Variants in IQCM observed in about 807,000 individuals in gnomAD.
IQCM encodes the protein IQ motif containing M, also known as IQ domain-containing protein M.
A neutral mutation model predicts 57.6 loss-of-function variants in IQCM; 45 were observed. The ratio of observed to expected loss-of-function variants is 0.78; its 90% CI spans 0.62 to 1.00. IQCM has a LOEUF of 1.00. Among genes scored for constraint, IQCM ranks in the 50% least tolerant of loss-of-function variants. The pLI is 0.00. For synonymous variants in IQCM, 148 were observed against 158.9 expected (o/e 0.93, Z 0.51); for missense variants, 468 against 511.6 (o/e 0.91, Z 0.82).
Position 149,519,585 on chromosome 4 carries a change from G to A in IQCM, c.1228+28870C>T, listed in dbSNP as rs187720002. Among the ~76,000 whole-genome samples, 536 of 152,228 alleles carry A rather than the reference G, an allele frequency of 3.5e-3. 10 individuals are homozygous for A. The highest frequency in any genetic ancestry group is 0.028 in the Admixed American group (423 of 15,300). ...GGCGTGAACCCGAGAGGCAGAGCTTGCAATGAGCCCAGATTGCGCCACTGC... is the reference window on the plus strand; with the variant it reads ...GGCGTGAACCCGAGAGGCAGAGCTTACAATGAGCCCAGATTGCGCCACTGC... On this transcript the variant is annotated intron_variant, in intron 12 of 13. Transcript: ENST00000636793.
At chr4:149,370,221 A>G (rs935468464) in intron 13 of IQCM, among the ~76,000 whole-genome samples, 13 of 152,196 alleles carry the variant, frequency 8.5e-5, no homozygotes, top group Non-Finnish European at 1.9e-4. Context: ...CATAGAGTTT[A>G]TGAGCATGAA....
chr4:149,650,047 G>C (rs1038056431), intron 7 of IQCM, among the ~76,000 whole-genome samples: 1 of 152,100 alleles, frequency 6.6e-6, no homozygotes, highest in African/African-American at 2.4e-5. Context: ...AAAGATAGTA[G>C]GCCCCATGTT....
intron 13 of IQCM, among the ~76,000 whole-genome samples, chr4:149,406,013 ATG>A (rs1483481295): frequency 6.6e-6 from 1 of 151,248 alleles, no homozygotes; most frequent in African/African-American, 2.4e-5. Flanking sequence ...TACCACAGAT[ATG>A]CTGTTCTTAT....
intron 8 of IQCM, among the ~76,000 whole-genome samples, chr4:149,600,159 A>C (rs1221474900): frequency 6.6e-6 from 1 of 152,182 alleles, no homozygotes; most frequent in Non-Finnish European, 1.5e-5. Context: ...TCCATTCTAA[A>C]TGATGAGTTC....
intron 13 of IQCM, among the ~76,000 whole-genome samples, chr4:149,417,898 A>G (rs952474741): frequency 6.6e-6 from 1 of 151,658 alleles, no homozygotes; most frequent in South Asian, 2.1e-4. Context: ...ATCCACAGCA[A>G]TTGTGGTTTA....
chr4:149,703,803 A>G (rs2149816750), intron 5 of IQCM, among the ~76,000 whole-genome samples: 1 of 152,048 alleles, frequency 6.6e-6, no homozygotes, highest in South Asian at 2.1e-4. Flanking sequence ...AAATGAACTA[A>G]TGGTCAAATG....
chr4:149,746,525 T>C (rs898386388), intron 2 of IQCM, among the ~76,000 whole-genome samples: 1 of 152,176 alleles, frequency 6.6e-6, no homozygotes, highest in Non-Finnish European at 1.5e-5. Flanking sequence ...TTCCCTTCCA[T>C]GGTTTCTGAA....
chr4:149,632,022 A>G (rs1757309023), intron 7 of IQCM, among the ~76,000 whole-genome samples: 1 of 152,220 alleles, frequency 6.6e-6, no homozygotes, highest in African/African-American at 2.4e-5. Context: ...TTACATGTTA[A>G]CAGTTTAAAA....
intron 5 of IQCM, among the ~76,000 whole-genome samples, chr4:149,697,394 A>C (rs1763422602): frequency 6.6e-6 from 1 of 152,142 alleles, no homozygotes; most frequent in Non-Finnish European, 1.5e-5. Context: ...CTTAAAGCAT[A>C]ATAAAAAAAT....
intron 12 of IQCM, among the ~76,000 whole-genome samples, chr4:149,478,744 A>G (rs563924677): frequency 5.9e-5 from 9 of 152,256 alleles, no homozygotes; most frequent in African/African-American, 2.2e-4. Flanking sequence ...GAGAATCTAC[A>G]AGAGTCTTTC....
At chr4:149,677,040 C>T (rs929485402) in intron 7 of IQCM, among the ~76,000 whole-genome samples, 2 of 152,026 alleles carry the variant, frequency 1.3e-5, no homozygotes, top group Admixed American at 1.3e-4. Flanking sequence ...CAATGCCTCA[C>T]TCCACATTCT....
chr4:149,771,790 G>GA (rs1295852665), intron 2 of IQCM, among the ~76,000 whole-genome samples: 1 of 152,054 alleles, frequency 6.6e-6, no homozygotes, highest in African/African-American at 2.4e-5. Flanking sequence ...TGCTGATAAT[G>GA]AATTATCATG....
chr4:149,554,294 C>T (rs973264106), intron 10 of IQCM, among the ~76,000 whole-genome samples: 1 of 152,146 alleles, frequency 6.6e-6, no homozygotes, highest in Non-Finnish European at 1.5e-5. Context: ...TAGAGGCATT[C>T]CAGAGCCCAC....
intron 2 of IQCM, among the ~76,000 whole-genome samples, chr4:149,812,976 G>T (rs529601723): frequency 6.6e-6 from 1 of 152,240 alleles, no homozygotes; most frequent in Non-Finnish European, 1.5e-5. Context: ...CAGAGTTAAT[G>T]AGCATCTTTT....
intron 5 of IQCM, among the ~76,000 whole-genome samples, chr4:149,727,020 G>A (rs978008945): frequency 6.6e-6 from 1 of 152,046 alleles, no homozygotes; most frequent in Non-Finnish European, 1.5e-5. Context: ...AAAGTGCTGG[G>A]ATTACAGGTG....
At chr4:149,670,007 T>G (rs1280884681) in intron 7 of IQCM, among the ~76,000 whole-genome samples, 1 of 152,204 alleles carries the variant, frequency 6.6e-6, no homozygotes, top group East Asian at 1.9e-4. Context: ...TTTCCAATTA[T>G]TTGAAGAAAG....
At chr4:149,549,163 T>C (rs573802986) in intron 11 of IQCM, among the ~76,000 whole-genome samples, 1 of 152,318 alleles carries the variant, frequency 6.6e-6, no homozygotes, top group South Asian at 2.1e-4. Flanking sequence ...AACCACTCAG[T>C]TGGGCCACCT....
chr4:149,743,898 T>C (rs1767688411), intron 2 of IQCM, among the ~76,000 whole-genome samples: 1 of 152,160 alleles, frequency 6.6e-6, no homozygotes, highest in Non-Finnish European at 1.5e-5. Context: ...CAATTAGAAA[T>C]GGGAATATTA....
intron 5 of IQCM, among the ~76,000 whole-genome samples, chr4:149,701,043 C>T (rs911343588): frequency 6.6e-6 from 1 of 151,970 alleles, no homozygotes; most frequent in African/African-American, 2.4e-5. Flanking sequence ...CCAAATCCCT[C>T]TTTACATGCT....
Sources: allele counts gnomAD v4.1 joint callset (sites outside exome capture counted in the v4.1 genomes callset), GRCh38; gene constraint gnomAD v4.1.1; transcripts MANE v1.5; gene names NCBI Gene and HGNC (gene_info 2026-07-23, HGNC 2026-07-21).